Variants in SELENOO observed in about 807,000 individuals in gnomAD.
SELENOO encodes protein adenylyltransferase SelO, mitochondrial.
A neutral mutation model predicts 58.7 loss-of-function variants in SELENOO; 74 were observed. That is an observed-to-expected ratio of 1.26 (90% confidence interval 1.04 to 1.53). SELENOO has a LOEUF of 1.53. Among genes scored for constraint, SELENOO ranks in the 40% most tolerant of loss-of-function variants. SELENOO has a pLI of 0.00. For missense variants in SELENOO, 1,149 were observed against 970.0 expected (o/e 1.18, Z -2.45); for synonymous variants, 543 against 453.2 (o/e 1.20, Z -2.52).
intron 5 of SELENOO, among the ~76,000 whole-genome samples, chr22:50,213,523 G>A (rs994004079): frequency 2.6e-5 from 4 of 152,152 alleles, no homozygotes; most frequent in Non-Finnish European, 5.9e-5. Flanking sequence ...TCCTGTACCC[G>A]TGTGCCCTGG....
rs754978182 is a variant in SELENOO, at chr22:50,217,211, C to T, written c.1852C>T (p.Arg618Trp). ...CACCCTCCTGATCCTCCAGGTGCGG[C>T]GGGTGCTGAAACTACTGGAGACCCC... ...AERGDFSEVR[R>W]VLKLLETPYH... The change falls in exon 9 of 9, where the codon CGG (arginine) becomes TGG (tryptophan). Residue 618 changes from arginine (R) to tryptophan (W), a missense_variant. By Grantham distance (101) the Arg-to-Trp change is moderately radical. Coordinates refer to ENST00000380903, the MANE Select transcript of SELENOO (RefSeq NM_031454.2). 33 of 1,611,132 alleles carry T rather than the reference C, an allele frequency of 2.0e-5. No individual in the cohort carries two copies. The highest frequency in any genetic ancestry group is 1.0e-4 in the Admixed American group (6 of 59,882).
Position 50,201,099 on chromosome 22 carries a change from T to C in SELENOO, c.63T>C (p.Gly21=), listed in dbSNP as rs5771226. The C allele has an allele frequency of 0.55, 738,614 of 1,343,818 alleles. 207,457 individuals carry two copies. Among genetic ancestry groups the C allele is most frequent in the African/African-American group, 0.8 (52,057 of 65,114 alleles). The allele number at this position is 1,343,818 out of a possible 1,614,324, so 83.2% of individuals were successfully genotyped here. ...SLAAARLLPL[G]RCSPSPAPRS... is the part of the protein sequence containing the mutation. Reference sequence around the variant, plus strand: ...CGGCTGCCCGACTCTTGCCCCTCGGTCGCTGTTCCCCGTCGCCGGCGCCCC... The same window carrying C: ...CGGCTGCCCGACTCTTGCCCCTCGGCCGCTGTTCCCCGTCGCCGGCGCCCC... The change falls in exon 1 of 9, where the codon GGT becomes GGC. Residue 21 remains glycine, a synonymous_variant. Transcript: ENST00000380903.
At position 50,216,747 on chromosome 22, in the gene SELENOO, T is replaced by A. The variant is rs775830339; in HGVS notation, c.1559T>A (p.Met520Lys). 1.2e-6 allele frequency: 2 copies of A among 1,607,476 alleles called. No individual in the cohort carries two copies. Among genetic ancestry groups the A allele is most frequent in the South Asian group, 2.2e-5 (2 of 90,740 alleles). Residue 520 changes from methionine to lysine, a missense_variant, in exon 7 of 9, where the codon ATG (methionine) becomes AAG (lysine). Transcript: ENST00000380903. The stretch of plus-strand genomic sequence containing the variant: ...TCAAACCCGCAGCTGTTCGCGCTTA[T>A]GGGCACCCGGGCAGGCATCGCCAGG... ...AQSNPQLFALMGTRAGIAREL... is the reference protein window; with the variant it reads ...AQSNPQLFALKGTRAGIAREL...
intron 8 of SELENOO, 21 bp downstream of exon 8, chr22:50,217,149 G>T: frequency 6.2e-7 from 1 of 1,611,366 alleles, no homozygotes; most frequent in Non-Finnish European, 8.5e-7. Context: ...GCCTGTCCCT[G>T]TGGTCCCTGG....
Position 50,217,285 on chromosome 22 carries a change from C to CGACGGGGCG in SELENOO, c.1932_1940dup (p.Ala645_Gly647dup). The stretch of plus-strand genomic sequence containing the variant: ...CCACAGACGCCGAGGCCACGGAAGC[C>CGACGGGGCG]GACGGGGCGGACGGCAGGCAGCGCT... On this transcript the variant is annotated inframe_insertion, in exon 9 of 9. Coordinates refer to ENST00000380903, the MANE Select transcript of SELENOO (RefSeq NM_031454.2). 1 of 1,612,572 alleles carries CGACGGGGCG rather than the reference C, an allele frequency of 6.2e-7. No homozygotes were observed. Among genetic ancestry groups the CGACGGGGCG allele is most frequent in the Non-Finnish European group, 8.5e-7 (1 of 1,179,788 alleles).
intron 2 of SELENOO, among the ~76,000 whole-genome samples, chr22:50,206,859 G>A (rs968902107): frequency 8.6e-5 from 13 of 151,640 alleles, no homozygotes; most frequent in Non-Finnish European, 1.6e-4. Flanking sequence ...CCAGGGCCAC[G>A]GGCACCAGAG....
At position 50,217,524 on chromosome 22, in the gene SELENOO, C is replaced by A; in HGVS notation, c.*155C>A. The A allele has an allele frequency of 1.9e-6, 2 of 1,077,740 alleles. No homozygotes were observed. Among genetic ancestry groups the A allele is most frequent in the Non-Finnish European group, 1.3e-6 (1 of 755,330 alleles). 66.8% of individuals were successfully genotyped at this position (1,077,740 alleles called of 1,614,324 possible). A position where few individuals can be genotyped will look rare whatever the true frequency, so the allele number is the denominator to read the frequency against. On this transcript the variant is annotated 3_prime_UTR_variant, in exon 9 of 9. Transcript: ENST00000380903. ...TGATGGCAGAGACATCCAGTCAGGA[C>A]CTGACCCGTCTCTGTCTGAGGCCGG...
intron 2 of SELENOO, 52 bp downstream of exon 2, chr22:50,206,572 G>C: frequency 6.7e-7 from 1 of 1,494,102 alleles, no homozygotes; most frequent in Non-Finnish European, 9.1e-7. Flanking sequence ...TAGAGTCCTA[G>C]GAGATTTGGG....
intron 5 of SELENOO, among the ~76,000 whole-genome samples, chr22:50,211,325 C>T (rs556868580): frequency 6.6e-6 from 1 of 152,270 alleles, no homozygotes; most frequent in Non-Finnish European, 1.5e-5. Flanking sequence ...AAAGCGAATG[C>T]AGAGATCTCT....
chr22:50,202,575 T>C (rs2064309722), intron 1 of SELENOO, among the ~76,000 whole-genome samples: 1 of 152,200 alleles, frequency 6.6e-6, no homozygotes, highest in African/African-American at 2.4e-5. Flanking sequence ...ATTTTTTTTT[T>C]TTAATTTTTG....
At chr22:50,204,709 T>TA (rs2064322066) in intron 1 of SELENOO, among the ~76,000 whole-genome samples, 1 of 152,084 alleles carries the variant, frequency 6.6e-6, no homozygotes, top group Admixed American at 6.5e-5. Context: ...TGTAAAATGA[T>TA]AGAGTTGCTG....
chr22:50,213,807 C>T (rs1377579713), intron 5 of SELENOO, among the ~76,000 whole-genome samples: 12 of 55,098 alleles, frequency 2.2e-4, no homozygotes, highest in Admixed American at 1.6e-3. Flanking sequence ...GCCACCACGC[C>T]CGGGTAATTT....
chr22:50,202,820 G>A lies in SELENOO; in HGVS notation c.554+1230G>A, dbSNP rs373255220. ...CAGGCCCTGCCTGACATCCCCACAC[G>A]TGTCCTGGGGTCCCTGGCCTCACCA... On this transcript the variant is annotated intron_variant, in intron 1 of 8. Coordinates refer to ENST00000380903, the MANE Select transcript of SELENOO (RefSeq NM_031454.2). Among the ~76,000 whole-genome samples, 29 of 152,296 alleles carry A rather than the reference G, an allele frequency of 1.9e-4. No homozygotes were observed. The South Asian group carries it at 2.7e-3, about 14-fold the overall frequency.
intron 1 of SELENOO, among the ~76,000 whole-genome samples, chr22:50,203,997 G>GA (rs886654251): frequency 3.0e-4 from 45 of 151,496 alleles, no homozygotes; most frequent in South Asian, 2.1e-4. Context: ...TCAGCAACAG[G>GA]AAAAAAAAAT....
chr22:50,201,847 G>A (rs1158729174), intron 1 of SELENOO, among the ~76,000 whole-genome samples: 4 of 152,256 alleles, frequency 2.6e-5, no homozygotes. Flanking sequence ...GCGGGAGCCG[G>A]GATGAGAGGT....
chr22:50,214,349 G>A (rs1357152255), intron 5 of SELENOO, among the ~76,000 whole-genome samples: 3 of 152,234 alleles, frequency 2.0e-5, no homozygotes, highest in African/African-American at 4.8e-5. Flanking sequence ...GCCGGGCATG[G>A]TGGCTCATGC....
intron 5 of SELENOO, among the ~76,000 whole-genome samples, chr22:50,211,692 CTA>C (rs1304908803): frequency 1.3e-5 from 2 of 152,240 alleles, no homozygotes; most frequent in African/African-American, 4.8e-5. Flanking sequence ...TTTTAATATG[CTA>C]TATGATTATT....
chr22:50,217,311 CCTACAGCA>C lies in SELENOO; in HGVS notation c.1953_1960del (p.Tyr652Ter). 6.2e-7 allele frequency: 1 copy of C among 1,612,838 alleles called. No homozygotes were observed. The highest frequency in any genetic ancestry group is 1.1e-5 in the South Asian group (1 of 91,082). ...GACGGGGCGGACGGCAGGCAGCGCT[CCTACAGCA>C]GTAAGCCCCCGCTCTGGGCAGCAGA... On this transcript the variant is annotated frameshift_variant, in exon 9 of 9. Transcript: ENST00000380903. LOFTEE classifies it high-confidence loss of function.
At position 50,201,467 on chromosome 22, in the gene SELENOO, A is replaced by G; in HGVS notation, c.431A>G (p.Gln144Arg). 1.4e-6 allele frequency: 2 copies of G among 1,422,422 alleles called. No homozygotes were observed. Among genetic ancestry groups the G allele is most frequent in the Admixed American group, 2.6e-5 (1 of 38,526 alleles). 88.1% of individuals were successfully genotyped at this position (1,422,422 alleles called of 1,614,324 possible). The stretch of plus-strand genomic sequence containing the variant: ...GCCGCGCACTGCTACTGCGGCCACC[A>G]ATTCGGCCAGTTCGCCGGGCAGCTG... ...EPAAHCYCGH[Q>R]FGQFAGQLGD... Residue 144 changes from glutamine (Q) to arginine (R), a missense_variant, in exon 1 of 9, where the codon CAA becomes CGA. Coordinates refer to ENST00000380903, the MANE Select transcript of SELENOO (RefSeq NM_031454.2).
Sources: gnomAD v4.1 joint callset for allele counts (sites outside exome capture counted in the v4.1 genomes callset) on GRCh38, gnomAD v4.1.1 for gene constraint, MANE v1.5 for transcripts, NCBI Gene and HGNC (gene_info 2026-07-23, HGNC 2026-07-21) for gene names.